Variants in XKR4 observed in about 807,000 individuals in gnomAD.
XKR4 encodes XK-related protein 4.
In XKR4, 12 loss-of-function variants were observed where a neutral mutation model predicts 53.9. That is an observed-to-expected ratio of 0.22 (90% CI 0.14 to 0.36). XKR4 has a LOEUF of 0.36. Among genes scored for constraint, XKR4 ranks in the 10% least tolerant of loss-of-function variants. The pLI is 1.00. For synonymous variants in XKR4, 354 were observed against 362.4 expected, an observed-to-expected ratio of 0.98 and a Z score of 0.26; for missense variants, 799 against 859.5, an observed-to-expected ratio of 0.93 and a Z score of 0.88.
intron 1 of XKR4, among the ~76,000 whole-genome samples, chr8:55,305,207 A>G (rs1362722337): frequency 2.6e-5 from 4 of 152,162 alleles, no homozygotes; most frequent in Admixed American, 2.6e-4. Context: ...GCAACACTAC[A>G]TGCCAAAGAT....
chr8:55,218,268 A>T (rs1161739988), intron 1 of XKR4, among the ~76,000 whole-genome samples: 1 of 152,238 alleles, frequency 6.6e-6, no homozygotes, highest in Non-Finnish European at 1.5e-5. Flanking sequence ...AACAAGTGAT[A>T]TAATTATGTC....
rs747529342 is a variant in XKR4 at position 55,537,099 on chromosome 8, A to G, written c.*12872A>G. ...ATAGAAGTAAAAGCTATTTTTCCCAAAACAAACAAAATACCATACATAGTT... is the reference window on the plus strand; with the variant it reads ...ATAGAAGTAAAAGCTATTTTTCCCAGAACAAACAAAATACCATACATAGTT... On this transcript the variant is annotated 3_prime_UTR_variant, in exon 3 of 3. Transcript: ENST00000327381. 1.3e-5 allele frequency: 2 copies of G among 152,204 alleles called. No individual in the cohort carries two copies. The highest frequency in any genetic ancestry group is 2.9e-5 in the Non-Finnish European group (2 of 68,040). The allele number at this position is 152,204 out of a possible 1,614,324, so 9.4% of individuals were successfully genotyped here. A position where few individuals can be genotyped will look rare whatever the true frequency, so the allele number is the denominator to read the frequency against.
At chr8:55,316,820 T>G (rs1819485000) in intron 1 of XKR4, among the ~76,000 whole-genome samples, 3 of 152,204 alleles carry the variant, frequency 2.0e-5, no homozygotes, top group Non-Finnish European at 4.4e-5. Context: ...TGAATTAAAA[T>G]GATGGAAACA....
intron 1 of XKR4, among the ~76,000 whole-genome samples, chr8:55,244,276 A>T (rs2129368674): frequency 6.6e-6 from 1 of 152,242 alleles, no homozygotes; most frequent in South Asian, 2.1e-4. Flanking sequence ...GTCTACGTGT[A>T]CTCAATGTTT....
At chr8:55,449,926 T>C (rs942290897) in intron 2 of XKR4, 2 of 870,642 alleles carry the variant, frequency 2.3e-6, no homozygotes, top group Non-Finnish European at 3.9e-6. Context: ...CGAGCCTCTA[T>C]TCTGGTCACT....
chr8:55,488,293 C>T (rs1405708153), intron 2 of XKR4, among the ~76,000 whole-genome samples: 1 of 152,164 alleles, frequency 6.6e-6, no homozygotes, highest in Non-Finnish European at 1.5e-5. Flanking sequence ...TTTGGAAAAA[C>T]TAAACATGCT....
At chr8:55,270,844 C>G (rs1818681735) in intron 1 of XKR4, among the ~76,000 whole-genome samples, 1 of 152,198 alleles carries the variant, frequency 6.6e-6, no homozygotes, top group Non-Finnish European at 1.5e-5. Context: ...ATGGCTATCT[C>G]AGCCAGGAAA....
At position 55,531,112 on chromosome 8, in the gene XKR4, G is replaced by A. The variant is rs1806946516; in HGVS notation, c.*6885G>A. 1 of 152,260 alleles carries A rather than the reference G, an allele frequency of 6.6e-6. No individual in the cohort carries two copies. Among genetic ancestry groups the A allele is most frequent in the East Asian group, 1.9e-4 (1 of 5,176 alleles). The allele number at this position is 152,260 out of a possible 1,614,324, so 9.4% of individuals were successfully genotyped here. On this transcript the variant is annotated 3_prime_UTR_variant, in exon 3 of 3. Transcript: ENST00000327381. ...AGAAACACAGCTTTTCTAAGACTATGCAGTCATGTGTCACTTAAGGATGGG... is the reference window on the plus strand; with the variant it reads ...AGAAACACAGCTTTTCTAAGACTATACAGTCATGTGTCACTTAAGGATGGG...
intron 2 of XKR4, among the ~76,000 whole-genome samples, chr8:55,386,912 A>T (rs763107754): frequency 6.6e-5 from 10 of 152,258 alleles, no homozygotes; most frequent in African/African-American, 2.4e-4. Context: ...ATTGTATCAT[A>T]TAACAAATGT....
At chr8:55,451,478 C>A in intron 2 of XKR4, 1 of 1,191,458 alleles carries the variant, frequency 8.4e-7, no homozygotes, top group Non-Finnish European at 1.2e-6. Flanking sequence ...CTACTCGAGT[C>A]TGCCTGGAAC....
At chr8:55,179,797 A>G (rs557282731) in intron 1 of XKR4, among the ~76,000 whole-genome samples, 60 of 152,356 alleles carry the variant, frequency 3.9e-4, no homozygotes, top group Admixed American at 6.5e-4. Context: ...ATATTGTCAG[A>G]AGACTATCAG....
chr8:55,440,044 T>C (rs991229610), intron 2 of XKR4, among the ~76,000 whole-genome samples: 3 of 152,182 alleles, frequency 2.0e-5, no homozygotes, highest in East Asian at 1.9e-4. Flanking sequence ...AGCTAGGCTC[T>C]CAAGAACAGA....
intron 1 of XKR4, among the ~76,000 whole-genome samples, chr8:55,344,944 G>A (rs886726043): frequency 6.6e-6 from 1 of 152,120 alleles, no homozygotes; most frequent in African/African-American, 2.4e-5. Flanking sequence ...GATAAATCTT[G>A]TTTTCACATA....
rs760179416 is a variant in XKR4, at chr8:55,102,930, A to C, written c.442A>C (p.Thr148Pro). 6.2e-7 allele frequency: 1 copy of C among 1,611,786 alleles called. No homozygotes were observed. The highest frequency in any genetic ancestry group is 8.5e-7 in the Non-Finnish European group (1 of 1,179,876). ...CGGCCAGCGCTGGTGGTTCGGGCTC[A>C]CGCTCTTCTTCGTGGTGCTCGGCTC... ...LRGQRWWFGL[T>P]LFFVVLGSLS... Residue 148 changes from threonine (T) to proline (P), a missense_variant, in exon 1 of 3, where the codon ACG (threonine) becomes CCG (proline). Physicochemically the swap from Thr to Pro is conservative, Grantham distance 38. Around this residue, in one of 3 missense-constraint regions of XKR4, gnomAD observed 476 missense variants for 505.4 expected, o/e 0.94. Transcript: ENST00000327381. The surrounding 1 kb of genome is among the most constrained non-coding windows in gnomAD (Gnocchi z 5.1).
At chr8:55,425,415 CCT>C (rs111231330) in intron 2 of XKR4, among the ~76,000 whole-genome samples, 1 of 133,564 alleles carries the variant, frequency 7.5e-6, no homozygotes, top group Non-Finnish European at 1.6e-5. Flanking sequence ...TCTCGTCTAG[CCT>C]CTCTCATCAT....
intron 2 of XKR4, among the ~76,000 whole-genome samples, chr8:55,504,796 T>G (rs916085744): frequency 2.6e-5 from 4 of 152,142 alleles, no homozygotes; most frequent in Non-Finnish European, 5.9e-5. Flanking sequence ...GATTTTGTAT[T>G]TCTAGGAATT....
At chr8:55,197,995 C>T (rs1485708105) in intron 1 of XKR4, among the ~76,000 whole-genome samples, 1 of 152,162 alleles carries the variant, frequency 6.6e-6, no homozygotes, top group Non-Finnish European at 1.5e-5. Flanking sequence ...GACTGAAGGC[C>T]TCTACACTGG....
At chr8:55,289,591 GAGAA>G (rs747365935) in intron 1 of XKR4, among the ~76,000 whole-genome samples, 5,986 of 67,042 alleles carry the variant, frequency 0.089, 282 homozygotes, top group Admixed American at 0.12. Flanking sequence ...AAGAAAGAAA[GAGAA>G]AGAAAGAAAG....
chr8:55,314,561 G>T (rs1819436703), intron 1 of XKR4, among the ~76,000 whole-genome samples: 1 of 152,174 alleles, frequency 6.6e-6, no homozygotes, highest in Non-Finnish European at 1.5e-5. Context: ...AAAGACTCCT[G>T]GAGGACTGGC....
Sources: gnomAD v4.1 joint callset for allele counts (sites outside exome capture counted in the v4.1 genomes callset) on GRCh38, gnomAD v4.1.1 for gene constraint, gnomAD v4.1.1 regional missense constraint, Gnocchi (gnomAD v3.1) non-coding constraint, MANE v1.5 for transcripts, NCBI Gene and HGNC (gene_info 2026-07-23, HGNC 2026-07-21) for gene names.